TMEM132D: variants seen among roughly 807,000 people sequenced by gnomAD.
TMEM132D encodes mature OL transmembrane protein.
TMEM132D carries 21 observed loss-of-function variants against 62.3 expected under a neutral mutation model. That is an observed-to-expected ratio of 0.34 (90% CI 0.24 to 0.49). The LOEUF (loss-of-function observed/expected upper bound fraction) is 0.49. TMEM132D is among the 20% of genes least tolerant of loss of function. TMEM132D has a pLI of 0.99. For missense variants in TMEM132D, 1,346 were observed against 1,402.8 expected (o/e 0.96, Z 0.65); for synonymous variants, 621 against 575.6 (o/e 1.08, Z -1.13).
At chr12:129,229,120 G>A (rs1478593954) in intron 4 of TMEM132D, among the ~76,000 whole-genome samples, 2 of 152,190 alleles carry the variant, frequency 1.3e-5, no homozygotes, top group Non-Finnish European at 2.9e-5. Context: ...CTGTGCCAAC[G>A]TTGTCCAGTT....
chr12:129,853,824 A>T (rs1237837808), intron 1 of TMEM132D: 1 of 151,850 alleles, frequency 6.6e-6, no homozygotes, highest in Non-Finnish European at 1.5e-5. Flanking sequence ...GGGAGAGGGG[A>T]GTCTTAGGTT....
chr12:129,176,058 T>C (rs574018670), intron 5 of TMEM132D, among the ~76,000 whole-genome samples: 3 of 152,278 alleles, frequency 2.0e-5, no homozygotes, highest in Admixed American at 6.5e-5. Flanking sequence ...TTGGTTGAAC[T>C]TGGGAGCCAC....
At chr12:129,208,949 G>A (rs781672969) in intron 5 of TMEM132D, 1 of 152,248 alleles carries the variant, frequency 6.6e-6, no homozygotes, top group African/African-American at 2.4e-5. Context: ...ACGAAGGAAG[G>A]AGGGGTGAGC....
chr12:129,493,371 G>A (rs147493268), intron 3 of TMEM132D, among the ~76,000 whole-genome samples: 10 of 152,252 alleles, frequency 6.6e-5, no homozygotes, highest in African/African-American at 2.4e-4. Flanking sequence ...TATTCTAAGT[G>A]ATTTACGTGG....
chr12:129,219,924 G>T (rs1309485619), intron 4 of TMEM132D, among the ~76,000 whole-genome samples: 2 of 152,110 alleles, frequency 1.3e-5, no homozygotes, highest in Non-Finnish European at 2.9e-5. Flanking sequence ...GCCTCTGTCT[G>T]CCATTTCCAA....
At chr12:129,877,700 A>G (rs184731517) in intron 1 of TMEM132D, among the ~76,000 whole-genome samples, 1 of 151,910 alleles carries the variant, frequency 6.6e-6, no homozygotes, top group African/African-American at 2.4e-5. Context: ...GAGAGCTCTT[A>G]GGCAGTGATG....
intron 2 of TMEM132D, among the ~76,000 whole-genome samples, chr12:129,576,691 C>T (rs1565909596): frequency 6.6e-6 from 1 of 151,854 alleles, no homozygotes; most frequent in East Asian, 1.9e-4. Context: ...ATTCAAAAAT[C>T]TGTGAATAAC....
At chr12:129,341,179 G>A (rs1869468089) in intron 3 of TMEM132D, among the ~76,000 whole-genome samples, 1 of 152,206 alleles carries the variant, frequency 6.6e-6, no homozygotes, top group African/African-American at 2.4e-5. Flanking sequence ...GACAAGGACT[G>A]TGCCTTTGCA....
intron 2 of TMEM132D, among the ~76,000 whole-genome samples, chr12:129,607,629 A>G (rs1878661801): frequency 6.6e-6 from 1 of 152,228 alleles, no homozygotes; most frequent in African/African-American, 2.4e-5. Context: ...ACAAAGGGCC[A>G]AGCCTTTTTC....
At chr12:129,634,074 C>T (rs1338535178) in intron 2 of TMEM132D, among the ~76,000 whole-genome samples, 1 of 152,188 alleles carries the variant, frequency 6.6e-6, no homozygotes, top group Non-Finnish European at 1.5e-5. Flanking sequence ...CCACTCCAAA[C>T]ACCCGCATCC....
intron 4 of TMEM132D, among the ~76,000 whole-genome samples, chr12:129,248,917 T>A (rs1236591113): frequency 7.2e-5 from 11 of 152,206 alleles, no homozygotes; most frequent in Non-Finnish European, 1.6e-4. Context: ...ATGGTGTATA[T>A]GTACCACTTT....
intron 3 of TMEM132D, among the ~76,000 whole-genome samples, chr12:129,391,523 C>T (rs1052745127): frequency 5.3e-5 from 8 of 152,148 alleles, no homozygotes; most frequent in Non-Finnish European, 8.8e-5. Context: ...CCTGCACGGG[C>T]GGTGCCTGGA....
Position 129,425,135 on chromosome 12 carries a change from G to C in TMEM132D, c.1116-87318C>G, listed in dbSNP as rs140395163. 9.5e-4 allele frequency among the ~76,000 whole-genome samples: 145 copies of C among 152,266 alleles called. 3 individuals carry two copies. In the East Asian group the frequency reaches 0.024, roughly 25 times the overall value. ...TTGCTGAATAGTATTCCATTTTATG[G>C]ATATAACATACATCAGCTGAAAAAT... On this transcript the variant is annotated intron_variant, in intron 3 of 8. Coordinates refer to ENST00000422113, the MANE Select transcript of TMEM132D (RefSeq NM_133448.3).
chr12:129,175,701 T>C (rs1877884718), intron 5 of TMEM132D, among the ~76,000 whole-genome samples: 1 of 152,104 alleles, frequency 6.6e-6, no homozygotes, highest in African/African-American at 2.4e-5. Flanking sequence ...ACAGTGAAAC[T>C]CCATCTCTAA....
intron 4 of TMEM132D, among the ~76,000 whole-genome samples, chr12:129,321,529 C>T (rs527821200): frequency 3.9e-5 from 6 of 152,210 alleles, no homozygotes; most frequent in East Asian, 3.9e-4. Context: ...GTGGTCCTCA[C>T]GCCTCAGGAC....
At chr12:129,635,627 G>T (rs533878624) in intron 2 of TMEM132D, among the ~76,000 whole-genome samples, 12 of 152,296 alleles carry the variant, frequency 7.9e-5, no homozygotes, top group African/African-American at 2.4e-4. Context: ...TTTGATGGTG[G>T]AGTGCTCTCA....
chr12:129,472,430 C>G (rs543114846), intron 3 of TMEM132D, among the ~76,000 whole-genome samples: 1 of 151,956 alleles, frequency 6.6e-6, no homozygotes, highest in African/African-American at 2.4e-5. Flanking sequence ...TGGGGCCTGT[C>G]GTTGGGTTGG....
intron 1 of TMEM132D, among the ~76,000 whole-genome samples, chr12:129,703,279 G>A (rs557090128): frequency 9.8e-5 from 15 of 152,292 alleles, no homozygotes; most frequent in Admixed American, 1.3e-4. Context: ...CAATGACATC[G>A]GGTCCTATGA....
chr12:129,674,878 A>T (rs553426686), intron 2 of TMEM132D, among the ~76,000 whole-genome samples: 1 of 152,218 alleles, frequency 6.6e-6, no homozygotes, highest in East Asian at 1.9e-4. Context: ...AGTTTGGGGG[A>T]CTTTCTCATG....
Sources: gnomAD v4.1 joint callset for allele counts (sites outside exome capture counted in the v4.1 genomes callset) on GRCh38, gnomAD v4.1.1 for gene constraint, MANE v1.5 for transcripts, NCBI Gene and HGNC (gene_info 2026-07-23, HGNC 2026-07-21) for gene names.